DMXL2: variants seen among roughly 807,000 people sequenced by gnomAD.
The protein encoded by DMXL2 is Dmx like 2, also known as dmX-like protein 2.
Under a neutral mutation model 331.1 loss-of-function variants are expected in DMXL2, and 103 were observed. The ratio of observed to expected loss-of-function variants is 0.31; its 90% CI spans 0.27 to 0.37. The LOEUF (loss-of-function observed/expected upper bound fraction) is 0.37, where lower values mean the gene tolerates loss of function less well. DMXL2 is among the 10% of genes least tolerant of loss of function. The pLI, the probability that DMXL2 is intolerant of heterozygous loss-of-function variation, is 1.00. For missense variants in DMXL2, 3,171 were observed against 3,642.9 expected (o/e 0.87, Z 3.33); for synonymous variants, 1,281 against 1,252.1 (o/e 1.02, Z -0.49).
intron 1 of DMXL2, among the ~76,000 whole-genome samples, chr15:51,579,934 G>A (rs752177885): frequency 6.6e-6 from 1 of 152,154 alleles, no homozygotes; most frequent in Non-Finnish European, 1.5e-5. Context: ...AGAAGCTGAG[G>A]CCCAGAAAGG....
chr15:51,464,169 A>G (rs997163176), intron 32 of DMXL2, among the ~76,000 whole-genome samples: 2 of 152,348 alleles, frequency 1.3e-5, no homozygotes, highest in Admixed American at 6.5e-5. Flanking sequence ...TTGGGAGGCC[A>G]AGACCAGGGA....
chr15:51,615,282 A>C (rs1267395241), intron 1 of DMXL2, among the ~76,000 whole-genome samples: 3 of 152,214 alleles, frequency 2.0e-5, no homozygotes, highest in Non-Finnish European at 2.9e-5. Context: ...AAAACTAAGA[A>C]GGCTAAATGA....
At chr15:51,596,312 A>C (rs1356594381) in intron 1 of DMXL2, among the ~76,000 whole-genome samples, 1 of 152,254 alleles carries the variant, frequency 6.6e-6, no homozygotes, top group Non-Finnish European at 1.5e-5. Flanking sequence ...CAAAAGACAC[A>C]TGAAAAAATG....
At chr15:51,503,986 C>G (rs2043871839) in intron 16 of DMXL2, among the ~76,000 whole-genome samples, 1 of 151,722 alleles carries the variant, frequency 6.6e-6, no homozygotes, top group Admixed American at 6.6e-5. Flanking sequence ...GCAAGACTGA[C>G]AGGGAAGAAT....
rs1344560395 is a variant in DMXL2, at chr15:51,622,644, C to CG, written c.-100dup. 1.0e-5 allele frequency: 15 copies of CG among 1,449,776 alleles called. 1 individual carries two copies. In the Admixed American group the frequency reaches 4.0e-4, roughly 38 times the overall value. 89.8% of individuals were successfully genotyped at this position (1,449,776 alleles called of 1,614,324 possible). ...GAGCCGTTTCCCTCTGTGCCTCCCT[C>CG]GGAAACCCGCCCCGCGGAGGCTCTG... On this transcript the variant is annotated 5_prime_UTR_variant, in exon 1 of 44. Transcript: ENST00000560891.
chr15:51,606,067 A>G (rs2141357598), intron 1 of DMXL2, among the ~76,000 whole-genome samples: 1 of 152,328 alleles, frequency 6.6e-6, no homozygotes, highest in East Asian at 1.9e-4. Flanking sequence ...AGGAACAAAA[A>G]TGAAAGTGCT....
intron 25 of DMXL2, among the ~76,000 whole-genome samples, chr15:51,479,737 A>G (rs2041870464): frequency 6.6e-6 from 1 of 152,238 alleles, no homozygotes; most frequent in African/African-American, 2.4e-5. Context: ...TGCCAAAAGT[A>G]TTTGTCTGTC....
In DMXL2 at chr15:51,622,399, G is replaced by A. The variant is rs538059430; in HGVS notation, c.87+60C>T. On this transcript the variant is annotated intron_variant, in intron 1 of 43. Coordinates refer to ENST00000560891, the MANE Select transcript of DMXL2 (RefSeq NM_001378457.1). ...AGGAGGCGTGCGCCCTGGACAGGAG[G>A]TCCCTGCCCCCGCGTCTGGCCCCTG... The A allele has an allele frequency of 1.9e-5, 29 of 1,547,122 alleles. No individual in the cohort carries two copies. The South Asian group carries it at 2.1e-4, about 11-fold the overall frequency.
At chr15:51,517,233 C>A (rs2047087226) in intron 13 of DMXL2, 66 bp from the exon 14 acceptor site, 1 of 1,199,304 alleles carries the variant, frequency 8.3e-7, no homozygotes, top group African/African-American at 1.5e-5. Flanking sequence ...TATGATACAG[C>A]ATCTTGGACA....
intron 1 of DMXL2, among the ~76,000 whole-genome samples, chr15:51,591,825 G>A (rs1263351268): frequency 1.3e-5 from 2 of 152,324 alleles, no homozygotes; most frequent in African/African-American, 2.4e-5. Context: ...TGGACCTCCA[G>A]CAAACTCCAA....
intron 14 of DMXL2, among the ~76,000 whole-genome samples, chr15:51,514,807 A>T (rs1016475558): frequency 1.1e-3 from 170 of 148,238 alleles, no homozygotes; most frequent in Admixed American, 1.8e-3. Flanking sequence ...AAACAAATCA[A>T]CAGGTTTGCT....
intron 28 of DMXL2, among the ~76,000 whole-genome samples, chr15:51,472,219 A>T (rs1414929679): frequency 2.6e-5 from 4 of 152,132 alleles, no homozygotes; most frequent in Non-Finnish European, 4.4e-5. Flanking sequence ...AAATAATTTT[A>T]TCTCAACTCT....
At chr15:51,562,949 C>T (rs1008849876) in intron 6 of DMXL2, among the ~76,000 whole-genome samples, 2 of 152,084 alleles carry the variant, frequency 1.3e-5, no homozygotes, top group Non-Finnish European at 2.9e-5. Flanking sequence ...GAAATGGGAG[C>T]ACCTGCAAGT....
At chr15:51,621,717 T>G (rs952412848) in intron 1 of DMXL2, among the ~76,000 whole-genome samples, 1 of 151,902 alleles carries the variant, frequency 6.6e-6, no homozygotes, top group Admixed American at 6.6e-5. Flanking sequence ...CAAGCACTGT[T>G]GTAAATTTTT....
At chr15:51,498,033 G>C (rs1330651259) in intron 18 of DMXL2, among the ~76,000 whole-genome samples, 7 of 152,142 alleles carry the variant, frequency 4.6e-5, no homozygotes, top group Non-Finnish European at 8.8e-5. Context: ...AGGAATTCGA[G>C]ACTAGCTGGG....
intron 1 of DMXL2, among the ~76,000 whole-genome samples, chr15:51,593,782 C>T (rs1192917898): frequency 6.6e-6 from 1 of 152,240 alleles, no homozygotes; most frequent in East Asian, 1.9e-4. Flanking sequence ...CGCTCAACTA[C>T]ATGGAAACTC....
At chr15:51,476,046 C>T (rs1196380015) in intron 27 of DMXL2, among the ~76,000 whole-genome samples, 2 of 151,888 alleles carry the variant, frequency 1.3e-5, no homozygotes, top group African/African-American at 2.4e-5. Context: ...TGTGTTTCTA[C>T]AAGGCAATGG....
intron 13 of DMXL2, among the ~76,000 whole-genome samples, chr15:51,519,260 G>A (rs189186226): frequency 2.9e-4 from 44 of 152,030 alleles, no homozygotes; most frequent in Admixed American, 5.9e-4. Context: ...AGGATTACAG[G>A]TGCATGCAAC....
At chr15:51,546,395 A>G (rs2048891519) in intron 7 of DMXL2, among the ~76,000 whole-genome samples, 1 of 152,190 alleles carries the variant, frequency 6.6e-6, no homozygotes, top group Non-Finnish European at 1.5e-5. Context: ...AGATGACTTA[A>G]GCAGAATATA....
Sources: allele counts gnomAD v4.1 joint callset (sites outside exome capture counted in the v4.1 genomes callset), GRCh38; gene constraint gnomAD v4.1.1; transcripts MANE v1.5; gene names NCBI Gene and HGNC (gene_info 2026-07-23, HGNC 2026-07-21).